The following WWOX variants were observed in gnomAD, a reference collection of about 807,000 sequenced individuals.
WWOX encodes WW domain-containing oxidoreductase.
In WWOX, 69 loss-of-function variants were observed where a neutral mutation model predicts 46.2. That is an observed-to-expected ratio of 1.49 (90% CI 1.23 to 1.82). The LOEUF (loss-of-function observed/expected upper bound fraction) is 1.82, where lower values mean the gene tolerates loss of function less well. Among genes scored for constraint, WWOX ranks in the 40% most tolerant of loss-of-function variants. WWOX has a pLI of 0.00. For synonymous variants in WWOX, 359 were observed against 202.6 expected (o/e 1.77, Z -6.56); for missense variants, 919 against 542.6 (o/e 1.69, Z -6.89).
chr16:78,259,479 A>G (rs1007513671), intron 5 of WWOX, among the ~76,000 whole-genome samples: 17 of 144,986 alleles, frequency 1.2e-4, no homozygotes, highest in Admixed American at 2.0e-4. Context: ...GGCACACGCC[A>G]CTATGCCCAG....
At chr16:78,260,037 C>T (rs751020562) in intron 5 of WWOX, among the ~76,000 whole-genome samples, 1 of 151,150 alleles carries the variant, frequency 6.6e-6, no homozygotes, top group Non-Finnish European at 1.5e-5. Flanking sequence ...GGTGAGACCT[C>T]CCAGCAGGCG....
In WWOX at chr16:79,010,283, A is replaced by G. The variant is rs145946358; in HGVS notation, c.1057-201325A>G. ...ACTCAGAGAGGAGCAGACGAGGGAGACACTCACATTAGAGAGTGGCGTGTG... is the reference window on the plus strand; with the variant it reads ...ACTCAGAGAGGAGCAGACGAGGGAGGCACTCACATTAGAGAGTGGCGTGTG... On this transcript the variant is annotated intron_variant, in intron 8 of 8. Coordinates refer to ENST00000566780, the MANE Select transcript of WWOX (RefSeq NM_016373.4). Among the ~76,000 whole-genome samples, 430 of 152,276 alleles carry G rather than the reference A, an allele frequency of 2.8e-3. 2 individuals are homozygous for G. Among genetic ancestry groups the G allele is most frequent in the African/African-American group, 9.5e-3 (394 of 41,564 alleles).
intron 5 of WWOX, among the ~76,000 whole-genome samples, chr16:78,303,196 A>C (rs1337513317): frequency 1.3e-5 from 2 of 152,230 alleles, no homozygotes; most frequent in African/African-American, 4.8e-5. Context: ...ACTTTAAATA[A>C]AATCTATCTC....
At position 79,125,885 on chromosome 16, in the gene WWOX, C is replaced by T. The variant is rs117953232; in HGVS notation, c.1057-85723C>T. 1.4e-3 allele frequency among the ~76,000 whole-genome samples: 207 copies of T among 152,284 alleles called. 3 individuals carry two copies. In the East Asian group the frequency reaches 0.034, roughly 25 times the overall value. ...TGTTGAAATTATCAAAGATTATCGT[C>T]GAAGGCGTGGTTTCTTTACTATCTG... On this transcript the variant is annotated intron_variant, in intron 8 of 8. Coordinates refer to ENST00000566780, the MANE Select transcript of WWOX (RefSeq NM_016373.4).
chr16:78,820,893 C>T (rs532195310), intron 8 of WWOX, among the ~76,000 whole-genome samples: 2 of 152,170 alleles, frequency 1.3e-5, no homozygotes, highest in Non-Finnish European at 2.9e-5. Flanking sequence ...GGAAACACCA[C>T]ATTCTAATCT....
intron 8 of WWOX, among the ~76,000 whole-genome samples, chr16:78,977,782 C>T (rs773321974): frequency 5.3e-5 from 8 of 152,226 alleles, no homozygotes; most frequent in Middle Eastern, 3.4e-3. Flanking sequence ...CCCAAACATG[C>T]ACTCCCATCC....
intron 5 of WWOX, among the ~76,000 whole-genome samples, chr16:78,325,952 C>A (rs768072846): frequency 4.6e-5 from 7 of 152,232 alleles, no homozygotes; most frequent in Non-Finnish European, 7.3e-5. Context: ...TCAGCACATA[C>A]AACATCATTT....
At chr16:78,181,929 C>T (rs1297103252) in intron 5 of WWOX, among the ~76,000 whole-genome samples, 1 of 152,054 alleles carries the variant, frequency 6.6e-6, no homozygotes, top group African/African-American at 2.4e-5. Flanking sequence ...AACATGATGG[C>T]CCTTGGAAAG....
At chr16:78,730,652 G>C (rs59715569) in intron 8 of WWOX, among the ~76,000 whole-genome samples, 1 of 146,598 alleles carries the variant, frequency 6.8e-6, no homozygotes, top group African/African-American at 2.6e-5. Context: ...TAGAGACAGG[G>C]TCTTGCTGTG....
intron 8 of WWOX, among the ~76,000 whole-genome samples, chr16:78,830,229 T>C (rs1004276497): frequency 4.6e-5 from 7 of 152,248 alleles, no homozygotes; most frequent in African/African-American, 1.7e-4. Context: ...AACATTCTAG[T>C]AATATTTGCA....
chr16:78,878,518 A>C (rs2044277815), intron 8 of WWOX, among the ~76,000 whole-genome samples: 1 of 152,186 alleles, frequency 6.6e-6, no homozygotes. Context: ...GGCTTGGTTT[A>C]ATCTCTGAAG....
chr16:78,697,072 C>G (rs1025062652), intron 8 of WWOX, among the ~76,000 whole-genome samples: 1 of 152,082 alleles, frequency 6.6e-6, no homozygotes, highest in South Asian at 2.1e-4. Context: ...GGTAGATGGC[C>G]ATTTGGGCTA....
intron 8 of WWOX, among the ~76,000 whole-genome samples, chr16:78,464,185 C>T (rs1416785961): frequency 6.6e-6 from 1 of 151,874 alleles, no homozygotes; most frequent in African/African-American, 2.4e-5. Flanking sequence ...ACAAGGGACT[C>T]TGTGGGTTGT....
chr16:79,171,721 C>G lies in WWOX; in HGVS notation c.1057-39887C>G, dbSNP rs138779155. Among the ~76,000 whole-genome samples the G allele has an allele frequency of 6.5e-4, 99 of 152,258 alleles. No individual in the cohort carries two copies. The East Asian group carries it at 0.019, about 28-fold the overall frequency. ...ATCCAATCAGCAGATGTTCTTTCTT[C>G]ATTCACGTTGAAAGCACTTCGCTAT... On this transcript the variant is annotated intron_variant, in intron 8 of 8. Coordinates refer to ENST00000566780, the MANE Select transcript of WWOX (RefSeq NM_016373.4).
rs112927307 is a variant in WWOX, at chr16:78,365,425, A to G, written c.517-21435A>G. ...TCAGGTGCTTGCTAGGGTTCTTGGC[A>G]CACAGAGCATCCCACCAATAAACTG... On this transcript the variant is annotated intron_variant, in intron 5 of 8. Transcript: ENST00000566780. Among the ~76,000 whole-genome samples the G allele has an allele frequency of 7.2e-5, 11 of 152,330 alleles. 1 individual carries two copies. Among genetic ancestry groups the G allele is most frequent in the African/African-American group, 2.4e-4 (10 of 41,582 alleles).
rs112522470 is a variant in WWOX, at chr16:78,871,083, A to T, written c.1057-340525A>T. On this transcript the variant is annotated intron_variant, in intron 8 of 8. Coordinates refer to ENST00000566780, the MANE Select transcript of WWOX (RefSeq NM_016373.4). ...TAAATTATCCCCTATAGCTCATAGAAGCAATTCAGTAAATACTTGTTGAAT... is the reference window on the plus strand; with the variant it reads ...TAAATTATCCCCTATAGCTCATAGATGCAATTCAGTAAATACTTGTTGAAT... Among the ~76,000 whole-genome samples the T allele has an allele frequency of 8.9e-3, 1,360 of 152,324 alleles. 18 individuals carry two copies. The highest frequency in any genetic ancestry group is 0.031 in the African/African-American group (1,281 of 41,566).
intron 8 of WWOX, among the ~76,000 whole-genome samples, chr16:79,163,606 C>T (rs1185392853): frequency 6.6e-6 from 1 of 152,058 alleles, no homozygotes; most frequent in Non-Finnish European, 1.5e-5. Flanking sequence ...CAAGACTAGC[C>T]TGCCCAAAAT....
At chr16:78,511,894 T>A (rs1170007166) in intron 8 of WWOX, among the ~76,000 whole-genome samples, 1 of 152,184 alleles carries the variant, frequency 6.6e-6, no homozygotes, top group Admixed American at 6.5e-5. Context: ...TTTATGACAT[T>A]ATCCGTTTAC....
At chr16:78,845,763 C>G (rs938435226) in intron 8 of WWOX, among the ~76,000 whole-genome samples, 4 of 152,112 alleles carry the variant, frequency 2.6e-5, no homozygotes, top group African/African-American at 9.7e-5. Context: ...TGTACTAATC[C>G]TGTACTAATT....
Sources: allele counts gnomAD v4.1 joint callset (sites outside exome capture counted in the v4.1 genomes callset), GRCh38; gene constraint gnomAD v4.1.1; transcripts MANE v1.5; gene names NCBI Gene and HGNC (gene_info 2026-07-23, HGNC 2026-07-21).